The following RAP1GDS1 variants were observed in gnomAD, a reference collection of about 807,000 sequenced individuals.
RAP1GDS1 encodes Rap1 GTPase-GDP dissociation stimulator 1.
Under a neutral mutation model 71.1 loss-of-function variants are expected in RAP1GDS1, and 35 were observed. The observed-to-expected ratio is 0.49, with a 90% confidence interval of 0.38 to 0.65. The LOEUF is 0.65. Among genes scored for constraint, RAP1GDS1 ranks in the 30% least tolerant of loss-of-function variants. The pLI is 0.00. For missense variants in RAP1GDS1, 663 were observed against 706.1 expected (o/e 0.94, Z 0.69); for synonymous variants, 229 against 243.1 (o/e 0.94, Z 0.54).
intron 4 of RAP1GDS1, among the ~76,000 whole-genome samples, chr4:98,370,674 G>A (rs539983291): frequency 2.0e-5 from 3 of 151,718 alleles, no homozygotes; most frequent in Admixed American, 6.6e-5. Flanking sequence ...GGGTTCAAGC[G>A]ATTCTCCTGC....
At chr4:98,306,559 T>C (rs964874307) in intron 2 of RAP1GDS1, among the ~76,000 whole-genome samples, 3 of 152,216 alleles carry the variant, frequency 2.0e-5, no homozygotes, top group Non-Finnish European at 4.4e-5. Context: ...CTGAATGTGT[T>C]CAAGAATATA....
intron 9 of RAP1GDS1, 47 bp from the exon 10 acceptor site, chr4:98,418,610 A>T: frequency 6.6e-7 from 1 of 1,520,782 alleles, no homozygotes; most frequent in Non-Finnish European, 8.9e-7. Context: ...TAAAGTATTT[A>T]TAGATATTTT....
intron 5 of RAP1GDS1, among the ~76,000 whole-genome samples, chr4:98,387,090 A>C (rs188522147): frequency 1.1e-4 from 16 of 152,238 alleles, no homozygotes; most frequent in African/African-American, 7.2e-5. Context: ...GGGATTTTTA[A>C]TGCAAGCCTG....
intron 2 of RAP1GDS1, among the ~76,000 whole-genome samples, chr4:98,338,834 C>T (rs1264601158): frequency 4.6e-5 from 7 of 152,028 alleles, no homozygotes; most frequent in Non-Finnish European, 8.8e-5. Flanking sequence ...CCTCATGAAA[C>T]CTATATGATA....
chr4:98,322,917 A>G (rs1005072600), intron 2 of RAP1GDS1, among the ~76,000 whole-genome samples: 1 of 115,184 alleles, frequency 8.7e-6, no homozygotes, highest in South Asian at 2.7e-4. Flanking sequence ...AAATAACTAA[A>G]ATCAGAGCAG....
At position 98,443,015 on chromosome 4, in the gene RAP1GDS1, A is replaced by ATTTTTTTTTGTTTTTTTTTTTTT; in HGVS notation, c.*907_*908insGTTTTTTTTTTTTTTTTTTTTTT. ...TGAGTATAGTTCATTGAAGAATGGA[A>ATTTTTTTTTGTTTTTTTTTTTTT]TTTTTTTTTTTTTTTTTTTTTTTGC... On this transcript the variant is annotated 3_prime_UTR_variant, in exon 15 of 15. Transcript: ENST00000408927. 1.5e-5 allele frequency: 2 copies of ATTTTTTTTTGTTTTTTTTTTTTT among 135,204 alleles called. No individual in the cohort carries two copies. Among genetic ancestry groups the ATTTTTTTTTGTTTTTTTTTTTTT allele is most frequent in the East Asian group, 1.0e-4 (1 of 9,800 alleles). The allele number at this position is 135,204 out of a possible 1,614,324, so 8.4% of individuals were successfully genotyped here.
intron 1 of RAP1GDS1, among the ~76,000 whole-genome samples, chr4:98,273,770 A>ATTGTT (rs1362557858): frequency 1.3e-5 from 2 of 152,094 alleles, no homozygotes; most frequent in Non-Finnish European, 2.9e-5. Context: ...GGCAAAAAGC[A>ATTGTT]TTGTTTTGTT....
chr4:98,354,104 G>A (rs1269621919), intron 4 of RAP1GDS1, among the ~76,000 whole-genome samples: 3 of 146,684 alleles, frequency 2.0e-5, no homozygotes, highest in Non-Finnish European at 4.5e-5. Flanking sequence ...CGCCCAGGCC[G>A]GACTGCGGAC....
At chr4:98,336,561 C>T (rs78855704) in intron 2 of RAP1GDS1, among the ~76,000 whole-genome samples, 13 of 152,108 alleles carry the variant, frequency 8.5e-5, no homozygotes, top group African/African-American at 2.9e-4. Flanking sequence ...TGGTGAATCA[C>T]GGTATAAATG....
chr4:98,306,894 T>TA (rs1438339698), intron 2 of RAP1GDS1, among the ~76,000 whole-genome samples: 2 of 152,108 alleles, frequency 1.3e-5, no homozygotes, highest in Non-Finnish European at 2.9e-5. Context: ...ATTTTCTGAA[T>TA]ACCCACTTGG....
At chr4:98,274,314 G>A (rs985268827) in intron 1 of RAP1GDS1, among the ~76,000 whole-genome samples, 3 of 152,018 alleles carry the variant, frequency 2.0e-5, no homozygotes, top group Non-Finnish European at 4.4e-5. Flanking sequence ...GTGTCATAAG[G>A]CAAGTCCAGA....
intron 8 of RAP1GDS1, among the ~76,000 whole-genome samples, 187 bp from the exon 9 acceptor site, chr4:98,417,180 A>G (rs1413937751): frequency 6.6e-6 from 1 of 152,192 alleles, no homozygotes; most frequent in East Asian, 1.9e-4. Flanking sequence ...TTGGACTAGA[A>G]AAAATGCTAG....
At chr4:98,373,870 C>T (rs1227057849) in intron 4 of RAP1GDS1, among the ~76,000 whole-genome samples, 1 of 152,040 alleles carries the variant, frequency 6.6e-6, no homozygotes, top group Non-Finnish European at 1.5e-5. Context: ...ACAAGCACTG[C>T]GATACCGTGA....
In RAP1GDS1 at chr4:98,417,377, G is replaced by A; in HGVS notation, c.918G>A (p.Met306Ile). 1.2e-6 allele frequency: 2 copies of A among 1,612,198 alleles called. No individual in the cohort carries two copies. The highest frequency in any genetic ancestry group is 1.7e-6 in the Non-Finnish European group (2 of 1,178,666). Residue 306 changes from methionine (M) to isoleucine (I), a missense_variant, in exon 9 of 15, where the codon ATG becomes ATA. Met to Ile is a conservative substitution (Grantham distance 10, BLOSUM62 1). Transcript: ENST00000408927. ...TTCATTTACCTCCAGATGAATCCAT[G>A]CAGAAGTTATTTGAAGGAGGAAAAG... is the stretch of plus-strand genomic sequence containing the variant. Reference protein sequence around the residue: ...MVLLLLGDESMQKLFEGGKGS... With the variant: ...MVLLLLGDESIQKLFEGGKGS...
intron 3 of RAP1GDS1, among the ~76,000 whole-genome samples, chr4:98,345,245 T>G (rs1389374298): frequency 6.6e-6 from 1 of 152,242 alleles, no homozygotes; most frequent in Non-Finnish European, 1.5e-5. Flanking sequence ...AAAAAGATTG[T>G]ATGAACCAGA....
intron 4 of RAP1GDS1, among the ~76,000 whole-genome samples, chr4:98,364,684 A>G (rs1194863629): frequency 6.6e-6 from 1 of 152,104 alleles, no homozygotes; most frequent in African/African-American, 2.4e-5. Context: ...ATGGAGGAAA[A>G]ACTTTTTACA....
At chr4:98,358,495 T>C (rs1738261715) in intron 4 of RAP1GDS1, among the ~76,000 whole-genome samples, 1 of 152,068 alleles carries the variant, frequency 6.6e-6, no homozygotes, top group African/African-American at 2.4e-5. Flanking sequence ...CCTAGTTTAG[T>C]TTAAAACCAG....
At chr4:98,343,756 T>A (rs979764851) in intron 3 of RAP1GDS1, among the ~76,000 whole-genome samples, 1 of 152,176 alleles carries the variant, frequency 6.6e-6, no homozygotes, top group African/African-American at 2.4e-5. Context: ...AAGAATACTC[T>A]GGAAAAACAA....
chr4:98,294,704 T>C (rs868368771), intron 2 of RAP1GDS1, among the ~76,000 whole-genome samples: 32 of 152,138 alleles, frequency 2.1e-4, no homozygotes, highest in African/African-American at 7.7e-4. Flanking sequence ...AGTAGTTATA[T>C]TTGGCAGATG....
Sources: gnomAD v4.1 joint callset for allele counts (sites outside exome capture counted in the v4.1 genomes callset) on GRCh38, gnomAD v4.1.1 for gene constraint, MANE v1.5 for transcripts, NCBI Gene and HGNC (gene_info 2026-07-23, HGNC 2026-07-21) for gene names.